DICER1: variants seen among roughly 807,000 people sequenced by gnomAD.
The protein encoded by DICER1 is dicer 1, ribonuclease III.
Under a neutral mutation model 194.1 loss-of-function variants are expected in DICER1, and 43 were observed. That is an observed-to-expected ratio of 0.22 (90% CI 0.17 to 0.29). DICER1 has a LOEUF of 0.29. Among genes scored for constraint, DICER1 ranks in the 10% least tolerant of loss-of-function variants. DICER1 has a pLI of 1.00. For synonymous variants in DICER1, 832 were observed against 820.5 expected, an observed-to-expected ratio of 1.01 and a Z score of -0.24; for missense variants, 1,608 against 2,317.0, an observed-to-expected ratio of 0.69 and a Z score of 6.28.
At position 95,096,309 on chromosome 14, in the gene DICER1, A is replaced by G; in HGVS notation, c.4611T>C (p.Val1537=). The change falls in exon 23 of 27, where the codon GTT becomes GTC. Residue 1537 remains valine (V), a synonymous_variant. Transcript: ENST00000343455. ...AAGAAATGGACTGCTTTCCCGTGTCAACACCACAGTTTTCTTCTGATGGAT... is the reference window on the plus strand; with the variant it reads ...AAGAAATGGACTGCTTTCCCGTGTCGACACCACAGTTTTCTTCTGATGGAT... The part of the protein sequence containing the change: ...FWNPSEENCG[V]DTGKQSISYD... 6.2e-7 allele frequency: 1 copy of G among 1,614,214 alleles called. No individual in the cohort carries two copies. Among genetic ancestry groups the G allele is most frequent in the Non-Finnish European group, 8.5e-7 (1 of 1,180,042 alleles).
In DICER1 at chr14:95,090,674, T is replaced by C. The variant is rs1183498277; in HGVS notation, c.5604-11A>G. On this transcript the variant is annotated splice_polypyrimidine_tract_variant and intron_variant, in intron 26 of 26. Coordinates refer to ENST00000343455, the MANE Select transcript of DICER1 (RefSeq NM_177438.3). ...GTTCTCTCAGCCGGGCTGTAAAAAA[T>C]CCAAACAGCTTGAATTAGAAGTCAG... 6.2e-7 allele frequency: 1 copy of C among 1,614,054 alleles called. No homozygotes were observed. The highest frequency in any genetic ancestry group is 1.1e-5 in the South Asian group (1 of 91,076).
At chr14:95,111,101 A>C (rs1891912868) in intron 14 of DICER1, among the ~76,000 whole-genome samples, 1 of 152,208 alleles carries the variant, frequency 6.6e-6, no homozygotes, top group Non-Finnish European at 1.5e-5. Context: ...GAAGAAAAAC[A>C]AAAGCAACCT....
In DICER1 at chr14:95,106,112, A is replaced by G. The variant is rs1488644936; in HGVS notation, c.2916T>C (p.Tyr972=). ...TTAGGTCAAGGTTGTACTTTGTTTT[A>G]TAATATTCTGCAAAAGTTTCATACT... The part of the protein sequence containing the change: ...SPEYETFAEY[Y]KTKYNLDLTN... The change falls in exon 18 of 27, where the codon TAT becomes TAC. Residue 972 remains tyrosine (Y), a synonymous_variant. Coordinates refer to ENST00000343455, the MANE Select transcript of DICER1 (RefSeq NM_177438.3). The G allele has an allele frequency of 2.5e-6, 4 of 1,614,196 alleles. No homozygotes were observed. The highest frequency in any genetic ancestry group is 1.3e-5 in the African/African-American group (1 of 75,050).
At chr14:95,116,385 G>T in intron 10 of DICER1, 68 bp downstream of exon 10, 1 of 1,564,626 alleles carries the variant, frequency 6.4e-7, no homozygotes. Flanking sequence ...TGGATACAAA[G>T]AATAACAAAG....
chr14:95,154,042 A>G (rs536678013), intron 1 of DICER1, among the ~76,000 whole-genome samples: 1 of 152,336 alleles, frequency 6.6e-6, no homozygotes, highest in African/African-American at 2.4e-5. Context: ...TAAACAAAAT[A>G]AGTCACTTGG....
rs376055478 is a variant in DICER1, at chr14:95,135,320, C to G, written c.-45-1817G>C. On this transcript the variant is annotated intron_variant, in intron 1 of 26. Coordinates refer to ENST00000343455, the MANE Select transcript of DICER1 (RefSeq NM_177438.3). Reference sequence around the variant, plus strand: ...TGGTAGAAGGTACCAAGAAACAAGTCTAAGTTCTGATGATGGATGAAAATA... The same window carrying G: ...TGGTAGAAGGTACCAAGAAACAAGTGTAAGTTCTGATGATGGATGAAAATA... Among the ~76,000 whole-genome samples the G allele has an allele frequency of 2.8e-4, 42 of 152,258 alleles. No individual in the cohort carries two copies. The South Asian group carries it at 8.7e-3, about 32-fold the overall frequency.
At chr14:95,097,437 A>C (rs1271944157) in intron 22 of DICER1, among the ~76,000 whole-genome samples, 1 of 152,230 alleles carries the variant, frequency 6.6e-6, no homozygotes, top group African/African-American at 2.4e-5. Flanking sequence ...ACTGACAAAA[A>C]TGGAAGAAAA....
At chr14:95,144,295 T>C (rs186092939) in intron 1 of DICER1, among the ~76,000 whole-genome samples, 61 of 152,248 alleles carry the variant, frequency 4.0e-4, no homozygotes, top group African/African-American at 1.4e-3. Context: ...CAACTGGGGA[T>C]ATAGGAAGCA....
chr14:95,097,744 C>A (rs990824175), intron 22 of DICER1, among the ~76,000 whole-genome samples: 1 of 152,132 alleles, frequency 6.6e-6, no homozygotes, highest in Non-Finnish European at 1.5e-5. Context: ...TTAAATACTA[C>A]AAATATTTTA....
At chr14:95,116,370 T>G (rs1436473131) in intron 10 of DICER1, 83 bp downstream of exon 10, 2 of 1,506,626 alleles carry the variant, frequency 1.3e-6, no homozygotes, top group African/African-American at 1.4e-5. Context: ...CATTATCTGT[T>G]CCTATGGATA....
rs1316253392 is a variant in DICER1 at position 95,129,492 on chromosome 14, A to C, written c.714T>G (p.Thr238=). ...KILKSNAETA[T]DLVVLDRYTS... The stretch of plus-strand genomic sequence containing the variant: ...CATACCTGTCTAAGACCACCAGGTC[A>C]GTTGCAGTTTCAGCATTACTCTTAA... Residue 238 remains threonine (T), a synonymous_variant, in exon 6 of 27, where the codon ACT becomes ACG. Transcript: ENST00000343455. The C allele has an allele frequency of 6.2e-7, 1 of 1,613,932 alleles. No homozygotes were observed. Among genetic ancestry groups the C allele is most frequent in the East Asian group, 2.2e-5 (1 of 44,844 alleles).
chr14:95,126,724 A>T lies in DICER1; in HGVS notation c.759T>A (p.Ile253=). The part of the protein sequence containing the change: ...LDRYTSQPCE[I]VVDCGPFTDR... ...CAGTAAATGGTCCACAATCCACCAC[A>T]ATCTCACATGGCTGAGAAGTATACC... The change falls in exon 7 of 27, where the codon ATT becomes ATA. Residue 253 remains isoleucine, a synonymous_variant. Coordinates refer to ENST00000343455, the MANE Select transcript of DICER1 (RefSeq NM_177438.3). 6.2e-7 allele frequency: 1 copy of T among 1,611,180 alleles called. No homozygotes were observed. Among genetic ancestry groups the T allele is most frequent in the Non-Finnish European group, 8.5e-7 (1 of 1,177,514 alleles).
intron 15 of DICER1, 36 bp from the exon 16 acceptor site, chr14:95,108,129 T>C: frequency 6.7e-7 from 1 of 1,503,522 alleles, no homozygotes; most frequent in South Asian, 1.1e-5. Context: ...CCCTCAAAAT[T>C]AACAGGTATT....
Position 95,090,268 on chromosome 14 carries a change from A to G in DICER1, c.*230T>C. The G allele has an allele frequency of 1.8e-6, 1 of 569,230 alleles. No homozygotes were observed. The allele number at this position is 569,230 out of a possible 1,614,324, so 35.3% of individuals were successfully genotyped here. On this transcript the variant is annotated 3_prime_UTR_variant, in exon 27 of 27. Coordinates refer to ENST00000343455, the MANE Select transcript of DICER1 (RefSeq NM_177438.3). ...ATTTAAACAAAGCAGAAGTGAGGAA[A>G]GAAGATAAGATTGTGTTTGCGCAAA...
At chr14:95,118,055 G>A (rs1235302027) in intron 8 of DICER1, among the ~76,000 whole-genome samples, 1 of 152,180 alleles carries the variant, frequency 6.6e-6, no homozygotes, top group Non-Finnish European at 1.5e-5. Context: ...TGTGGCCCAG[G>A]ATGAGACTGA....
intron 1 of DICER1, among the ~76,000 whole-genome samples, chr14:95,146,532 T>C (rs1010773007): frequency 9.9e-5 from 15 of 152,228 alleles, no homozygotes; most frequent in African/African-American, 2.9e-4. Context: ...AACTGTTTCA[T>C]TGCTCAATAA....
In DICER1 at chr14:95,103,969, G is replaced by T. The variant is rs375211466; in HGVS notation, c.3427C>A (p.Leu1143Ile). ...AHQGANRTSS[L>I]ENHDQMSVNC... ...ACAGACATTTGGTCATGATTTTCTA[G>T]AGAGGAGGTTCTATTAGCACCTTGA... Residue 1143 changes from leucine (L) to isoleucine (I), a missense_variant, in exon 21 of 27, where the codon CTA becomes ATA. This residue lies in a region of DICER1 where 222 missense variants were observed against 215.5 expected (regional missense o/e 1.03). Coordinates refer to ENST00000343455, the MANE Select transcript of DICER1 (RefSeq NM_177438.3). The T allele has an allele frequency of 2.5e-6, 4 of 1,614,064 alleles. No individual in the cohort carries two copies. The African/African-American group carries it at 5.3e-5, about 22-fold the overall frequency.
chr14:95,153,012 C>T (rs188059257), intron 1 of DICER1, among the ~76,000 whole-genome samples: 104 of 152,104 alleles, frequency 6.8e-4, no homozygotes, highest in African/African-American at 2.4e-3. Flanking sequence ...GTCAGGAGAT[C>T]AAGACCATCC....
chr14:95,144,696 G>A (rs568404953), intron 1 of DICER1, among the ~76,000 whole-genome samples: 1 of 152,176 alleles, frequency 6.6e-6, no homozygotes, highest in African/African-American at 2.4e-5. Context: ...AGAATTTATA[G>A]CCAGATTAAC....
Sources: gnomAD v4.1 joint callset for allele counts (sites outside exome capture counted in the v4.1 genomes callset) on GRCh38, gnomAD v4.1.1 for gene constraint, gnomAD v4.1.1 regional missense constraint, MANE v1.5 for transcripts, NCBI Gene and HGNC (gene_info 2026-07-23, HGNC 2026-07-21) for gene names.